The following RBM47 variants were observed in gnomAD, a reference collection of about 807,000 sequenced individuals.
RBM47 encodes RNA binding motif protein 47, also known as RNA-binding protein 47.
A neutral mutation model predicts 47.1 loss-of-function variants in RBM47; 21 were observed. The ratio of observed to expected loss-of-function variants is 0.45; its 90% CI spans 0.32 to 0.64. RBM47 has a LOEUF of 0.64. Among genes scored for constraint, RBM47 ranks in the 30% least tolerant of loss-of-function variants. RBM47 has a pLI of 0.05. For synonymous variants in RBM47, 375 were observed against 361.7 expected (o/e 1.04, Z -0.42); for missense variants, 708 against 870.9 (o/e 0.81, Z 2.35).
intron 1 of RBM47, among the ~76,000 whole-genome samples, chr4:40,573,490 C>A (rs1731939022): frequency 6.6e-6 from 1 of 151,886 alleles, no homozygotes; most frequent in Admixed American, 6.6e-5. Context: ...TGCCTGTAAT[C>A]CCAGCACTTT....
intron 1 of RBM47, 103 bp from the exon 2 acceptor site, chr4:40,544,609 A>G (rs1454245905): frequency 6.6e-6 from 1 of 152,204 alleles, no homozygotes; most frequent in Non-Finnish European, 1.5e-5. Flanking sequence ...GAGAAGAAGG[A>G]ACATGGTGTT....
In RBM47 at chr4:40,425,126, G is replaced by C. The variant is rs1052768332; in HGVS notation, c.*778C>G. 1 of 152,632 alleles carries C rather than the reference G, an allele frequency of 6.6e-6. No homozygotes were observed. The highest frequency in any genetic ancestry group is 1.5e-5 in the Non-Finnish European group (1 of 68,090). 9.5% of individuals were successfully genotyped at this position (152,632 alleles called of 1,614,324 possible). A position where few individuals can be genotyped will look rare whatever the true frequency, so the allele number is the denominator to read the frequency against. On this transcript the variant is annotated 3_prime_UTR_variant, in exon 7 of 7. Transcript: ENST00000295971. ...GTGGGATTGGGAATCTGGGGAGGAGGGGACAGGGTGAGAGATGTGGGAGTG... is the reference window on the plus strand; with the variant it reads ...GTGGGATTGGGAATCTGGGGAGGAGCGGACAGGGTGAGAGATGTGGGAGTG...
intron 3 of RBM47, among the ~76,000 whole-genome samples, chr4:40,461,186 A>G (rs1326800746): frequency 6.6e-6 from 1 of 152,104 alleles, no homozygotes; most frequent in Non-Finnish European, 1.5e-5. Flanking sequence ...TCCTGGAACA[A>G]TTGTTGGCAT....
In RBM47 at chr4:40,438,713, C is replaced by G; in HGVS notation, c.181G>C (p.Gly61Arg). ...GQRKYGGPPP[G>R]WEGPHPQRGC... ...CGCTGCGGGTGCGGGCCCTCCCAGC[C>G]GGGCGGTGGGCCGCCGTACTTGCGC... The change falls in exon 4 of 7, where the codon GGC becomes CGC. Residue 61 changes from glycine to arginine, a missense_variant. By Grantham distance (125) the Gly-to-Arg change is moderately radical. Transcript: ENST00000295971. 2 of 1,608,832 alleles carry G rather than the reference C, an allele frequency of 1.2e-6. No homozygotes were observed. The highest frequency in any genetic ancestry group is 1.7e-6 in the Non-Finnish European group (2 of 1,178,532).
At chr4:40,562,654 C>A (rs1159097478) in intron 1 of RBM47, among the ~76,000 whole-genome samples, 1 of 151,846 alleles carries the variant, frequency 6.6e-6, no homozygotes, top group Admixed American at 6.6e-5. Flanking sequence ...TTAGTAGAGA[C>A]GAGGTTTCAC....
At chr4:40,574,226 A>C (rs932257524) in intron 1 of RBM47, among the ~76,000 whole-genome samples, 2 of 152,238 alleles carry the variant, frequency 1.3e-5, no homozygotes, top group African/African-American at 4.8e-5. Context: ...TTTTACATAA[A>C]ATATAATCTC....
At chr4:40,453,406 T>C (rs866485138) in intron 3 of RBM47, among the ~76,000 whole-genome samples, 3 of 152,184 alleles carry the variant, frequency 2.0e-5, no homozygotes, top group African/African-American at 4.8e-5. Flanking sequence ...TAGCCGAGGA[T>C]TGAAAATCTG....
intron 2 of RBM47, among the ~76,000 whole-genome samples, chr4:40,467,507 T>G (rs1718233896): frequency 6.6e-6 from 1 of 151,942 alleles, no homozygotes; most frequent in Non-Finnish European, 1.5e-5. Flanking sequence ...GCCAGGCTGG[T>G]CTCAAACTCC....
intron 2 of RBM47, among the ~76,000 whole-genome samples, chr4:40,542,359 T>C (rs1728634275): frequency 1.3e-5 from 2 of 152,074 alleles, no homozygotes. Flanking sequence ...ACTGGGCCCC[T>C]GCAAAGGCTG....
At chr4:40,599,396 G>A (rs1735041202) in intron 1 of RBM47, among the ~76,000 whole-genome samples, 1 of 152,100 alleles carries the variant, frequency 6.6e-6, no homozygotes, top group African/African-American at 2.4e-5. Flanking sequence ...ACCCATTTAG[G>A]TTGATCCTTA....
intron 1 of RBM47, among the ~76,000 whole-genome samples, chr4:40,551,451 T>C (rs909605315): frequency 2.0e-5 from 3 of 152,082 alleles, no homozygotes; most frequent in Admixed American, 2.0e-4. Flanking sequence ...CCAAGATATC[T>C]TTGTACAAAG....
chr4:40,534,936 G>GAAA (rs368062797), intron 2 of RBM47, among the ~76,000 whole-genome samples: 1 of 96,898 alleles, frequency 1.0e-5, no homozygotes, highest in African/African-American at 4.0e-5. Context: ...CTCCGTCTCA[G>GAAA]AAAAAAAAAA....
chr4:40,460,531 C>T lies in RBM47; in HGVS notation c.-32+6046G>A, dbSNP rs76034827. Among the ~76,000 whole-genome samples the T allele has an allele frequency of 2.2e-3, 334 of 152,186 alleles. 4 individuals carry two copies. Among genetic ancestry groups the T allele is most frequent in the African/African-American group, 7.6e-3 (316 of 41,534 alleles). ...ACTCAACTGGAAAATGGGAATAGAC[C>T]GGGTGTGGTGGCTCACGCCTGTAAT... On this transcript the variant is annotated intron_variant, in intron 3 of 6. Transcript: ENST00000295971.
At chr4:40,583,388 GAAAAAAAAAAA>G (rs56371832) in intron 1 of RBM47, among the ~76,000 whole-genome samples, 68 of 91,100 alleles carry the variant, frequency 7.5e-4, no homozygotes, top group Middle Eastern at 7.4e-3. Context: ...CTCCATCTCA[GAAAAAAAAAAA>G]AAAAAAAAAA....
intron 1 of RBM47, among the ~76,000 whole-genome samples, chr4:40,593,323 A>G (rs143866487): frequency 0.014 from 2,150 of 152,060 alleles, 24 homozygotes; most frequent in Non-Finnish European, 0.022. Flanking sequence ...ATAATTTTTT[A>G]ATGTTTTTAT....
At position 40,590,425 on chromosome 4, in the gene RBM47, G is replaced by A. The variant is rs368679776; in HGVS notation, c.-240+38971C>T. On this transcript the variant is annotated intron_variant, in intron 1 of 6. Coordinates refer to ENST00000295971, the MANE Select transcript of RBM47 (RefSeq NM_001098634.2). ...AAAACAAAAAAACCCCACAAAGACT[G>A]GGCAAGACAACAGTGCACAGAAGAG... Among the ~76,000 whole-genome samples the A allele has an allele frequency of 2.4e-4, 37 of 152,088 alleles. No homozygotes were observed. In the South Asian group the frequency reaches 7.1e-3, roughly 29 times the overall value.
chr4:40,568,475 C>A (rs1731318364), intron 1 of RBM47, among the ~76,000 whole-genome samples: 1 of 138,658 alleles, frequency 7.2e-6, no homozygotes, highest in Admixed American at 7.4e-5. Flanking sequence ...CTATCATATT[C>A]TTGGATAGGA....
At chr4:40,609,804 G>C (rs1162515294) in intron 1 of RBM47, among the ~76,000 whole-genome samples, 2 of 151,598 alleles carry the variant, frequency 1.3e-5, no homozygotes, top group African/African-American at 4.8e-5. Flanking sequence ...CTCATTTAAG[G>C]CTCATTCAAG....
chr4:40,566,187 T>C (rs946869927), intron 1 of RBM47, among the ~76,000 whole-genome samples: 9 of 152,162 alleles, frequency 5.9e-5, no homozygotes, highest in African/African-American at 2.2e-4. Flanking sequence ...CTACACATTA[T>C]TGAGGAGAAC....
Sources: gnomAD v4.1 joint callset for allele counts (sites outside exome capture counted in the v4.1 genomes callset) on GRCh38, gnomAD v4.1.1 for gene constraint, MANE v1.5 for transcripts, NCBI Gene and HGNC (gene_info 2026-07-23, HGNC 2026-07-21) for gene names.